Variants in PLCG2 observed in about 807,000 individuals in gnomAD.
The protein encoded by PLCG2 is phospholipase C gamma 2.
PLCG2 carries 69 observed loss-of-function variants against 175.6 expected under a neutral mutation model. The ratio of observed to expected loss-of-function variants is 0.39; its 90% CI spans 0.32 to 0.48. The LOEUF is 0.48. PLCG2 is among the 20% of genes least tolerant of loss of function. The probability of loss-of-function intolerance (pLI) is 0.91; values close to 1 mark genes in which losing one functional copy is unlikely to be tolerated. For missense variants in PLCG2, 1,798 were observed against 1,650.9 expected, an observed-to-expected ratio of 1.09 and a Z score of -1.54; for synonymous variants, 827 against 624.0, an observed-to-expected ratio of 1.33 and a Z score of -4.85.
intron 2 of PLCG2, among the ~76,000 whole-genome samples, chr16:81,841,073 C>G (rs1318292285): frequency 6.6e-6 from 1 of 152,216 alleles, no homozygotes; most frequent in African/African-American, 2.4e-5. Flanking sequence ...GGAAGAATCT[C>G]TTCACATGGA....
At chr16:81,952,878 A>G (rs894601921) in intron 31 of PLCG2, among the ~76,000 whole-genome samples, 3 of 152,232 alleles carry the variant, frequency 2.0e-5, no homozygotes, top group African/African-American at 4.8e-5. Context: ...CCGCCAAGAA[A>G]TTTATCAATT....
At chr16:81,786,643 A>T (rs575748903) in intron 2 of PLCG2, among the ~76,000 whole-genome samples, 2 of 152,286 alleles carry the variant, frequency 1.3e-5, no homozygotes, top group South Asian at 4.1e-4. Context: ...AGGGAGAGTG[A>T]GTTGTTGAAC....
chr16:81,956,752 C>A lies in PLCG2; in HGVS notation c.3628C>A (p.Leu1210Met). The A allele has an allele frequency of 6.2e-7, 1 of 1,614,168 alleles. No individual in the cohort carries two copies. The highest frequency in any genetic ancestry group is 8.5e-7 in the Non-Finnish European group (1 of 1,180,024). ...CCAGCTGAGGAGGCGGCAAGAAGAA[C>A]TGAACAACCAGCTCTTTCTGTATGA... Reference protein sequence around the residue: ...CRQLRRRQEELNNQLFLYDTH... With the variant: ...CRQLRRRQEEMNNQLFLYDTH... The change falls in exon 32 of 33, where the codon CTG becomes ATG. Residue 1210 changes from leucine to methionine, a missense_variant. Coordinates refer to ENST00000564138, the MANE Select transcript of PLCG2 (RefSeq NM_002661.5).
In PLCG2 at chr16:81,956,734, A is replaced by G; in HGVS notation, c.3610A>G (p.Arg1204Gly). ...EELYSSCRQL[R>G]RRQEELNNQL... ...ACTTTACTCCTCCTGTCGCCAGCTGAGGAGGCGGCAAGAAGAACTGAACAA... is the reference window on the plus strand; with the variant it reads ...ACTTTACTCCTCCTGTCGCCAGCTGGGGAGGCGGCAAGAAGAACTGAACAA... The change falls in exon 32 of 33, where the codon AGG becomes GGG. Residue 1204 changes from arginine to glycine, a missense_variant. Transcript: ENST00000564138. The G allele has an allele frequency of 6.2e-7, 1 of 1,614,138 alleles. No homozygotes were observed. The highest frequency in any genetic ancestry group is 1.1e-5 in the South Asian group (1 of 91,080).
chr16:81,946,353 T>A (rs986426208), intron 31 of PLCG2, 90 bp downstream of exon 31: 6 of 895,650 alleles, frequency 6.7e-6, no homozygotes, highest in Non-Finnish European at 1.1e-5. Flanking sequence ...GCAGATGGAC[T>A]TAAGCCCATT....
intron 29 of PLCG2, 91 bp downstream of exon 29, chr16:81,939,006 C>A: frequency 1.4e-6 from 1 of 731,026 alleles, no homozygotes; most frequent in Non-Finnish European, 2.4e-6. Context: ...TTGCAATGCT[C>A]TTTAGTTGTC....
rs71146047 is a variant in PLCG2 at position 81,816,651 on chromosome 16, A to ATTT, written c.193+30497_193+30499dup. 2.2e-3 allele frequency among the ~76,000 whole-genome samples: 242 copies of ATTT among 108,574 alleles called. 2 individuals are homozygous for ATTT. Among genetic ancestry groups the ATTT allele is most frequent in the South Asian group, 3.1e-3 (10 of 3,228 alleles). The allele number at this position is 108,574 out of a possible 152,430, so 71.2% of individuals were successfully genotyped here. ...GCACCACCATGCCCAGCTAATTTTA[A>ATTT]TTTTTTTTTTTTTTTTTTTTTTTTT... On this transcript the variant is annotated intron_variant, in intron 2 of 32. Transcript: ENST00000564138.
chr16:81,874,514 C>G (rs1050417838), intron 7 of PLCG2, among the ~76,000 whole-genome samples: 12 of 152,222 alleles, frequency 7.9e-5, no homozygotes, highest in African/African-American at 2.9e-4. Context: ...ATCCCCTAAC[C>G]TGTTAGCAAA....
intron 1 of PLCG2, among the ~76,000 whole-genome samples, chr16:81,745,939 C>A (rs1002370636): frequency 6.6e-6 from 1 of 152,156 alleles, no homozygotes; most frequent in Non-Finnish European, 1.5e-5. Context: ...TCTGTAGGGG[C>A]GAGACTAGCC....
In PLCG2 at chr16:81,891,576, C is replaced by G; in HGVS notation, c.972C>G (p.Ser324=). Residue 324 remains serine, a synonymous_variant, in exon 11 of 33, where the codon TCC becomes TCG. Transcript: ENST00000564138. ...MNNPLSHYWI[S]SSHNTYLTGD... ...ACCCCCTGTCTCATTACTGGATCTC[C>G]TCGTCACATAACACGTGAGTTTCAG... The G allele has an allele frequency of 1.3e-6, 2 of 1,583,638 alleles. No individual in the cohort carries two copies. The highest frequency in any genetic ancestry group is 1.1e-5 in the South Asian group (1 of 90,506).
At chr16:81,946,030 G>A in intron 30 of PLCG2, 145 bp from the exon 31 acceptor site, 2 of 673,598 alleles carry the variant, frequency 3.0e-6, no homozygotes, top group South Asian at 1.7e-5. Flanking sequence ...AGGACCTCTG[G>A]CTTCCACAAA....
At chr16:81,769,002 G>A (rs1597308154) in intron 2 of PLCG2, among the ~76,000 whole-genome samples, 1 of 152,212 alleles carries the variant, frequency 6.6e-6, no homozygotes, top group East Asian at 1.9e-4. Flanking sequence ...GCCTGTAGTA[G>A]TAACTGACAT....
At chr16:81,871,463 C>A (rs549168483) in intron 7 of PLCG2, among the ~76,000 whole-genome samples, 3 of 152,248 alleles carry the variant, frequency 2.0e-5, no homozygotes, top group South Asian at 4.2e-4. Context: ...CTTAGCCTCC[C>A]CAGTAGCTGG....
intron 32 of PLCG2, among the ~76,000 whole-genome samples, chr16:81,957,691 C>G (rs577037753): frequency 6.6e-6 from 1 of 152,274 alleles, no homozygotes; most frequent in African/African-American, 2.4e-5. Context: ...AGAAACTGTG[C>G]TGCCTCCCTT....
At chr16:81,906,282 G>A (rs1909367739) in intron 15 of PLCG2, 1 of 152,094 alleles carries the variant, frequency 6.6e-6, no homozygotes, top group African/African-American at 2.4e-5. Flanking sequence ...CCAACTGGGG[G>A]TCGTTCCACC....
intron 8 of PLCG2, 148 bp downstream of exon 8, chr16:81,881,101 T>C (rs1224301797): frequency 2.7e-6 from 2 of 733,204 alleles, no homozygotes; most frequent in Non-Finnish European, 4.8e-6. Flanking sequence ...GGCCATCCCA[T>C]GCCTGTGGCG....
chr16:81,908,079 C>G (rs1436807349), intron 16 of PLCG2, among the ~76,000 whole-genome samples: 2 of 152,196 alleles, frequency 1.3e-5, no homozygotes, highest in Admixed American at 1.3e-4. Context: ...TCTCCTCCAG[C>G]TGTGGTCATC....
Position 81,895,777 on chromosome 16 carries a change from G to T in PLCG2, c.1073-30G>T, listed in dbSNP as rs770161746. On this transcript the variant is annotated intron_variant, in intron 12 of 32. Transcript: ENST00000564138. ...TCGGGGCTGTCAGTGAACACACGTG[G>T]TATTGAGGCTGCCGCGTTTCTCCCT... 6.8e-6 allele frequency: 11 copies of T among 1,613,682 alleles called. No homozygotes were observed. The African/African-American group carries it at 1.5e-4, about 22-fold the overall frequency.
chr16:81,791,018 T>TA (rs777934836), intron 2 of PLCG2, among the ~76,000 whole-genome samples: 71 of 152,182 alleles, frequency 4.7e-4, no homozygotes, highest in Admixed American at 2.0e-3. Flanking sequence ...TGTCACTGGG[T>TA]AAAATAGGGT....
Sources: gnomAD v4.1 joint callset for allele counts (sites outside exome capture counted in the v4.1 genomes callset) on GRCh38, gnomAD v4.1.1 for gene constraint, MANE v1.5 for transcripts, NCBI Gene and HGNC (gene_info 2026-07-23, HGNC 2026-07-21) for gene names.